The following BMPR2 variants were observed in gnomAD, a reference collection of about 807,000 sequenced individuals.
BMPR2 encodes bone morphogenetic protein receptor type-2.
BMPR2 carries 29 observed loss-of-function variants against 100.8 expected under a neutral mutation model. The observed-to-expected ratio is 0.29, with a 90% CI of 0.21 to 0.39. BMPR2 has a LOEUF of 0.39. BMPR2 is among the 10% of genes least tolerant of loss of function. The pLI is 1.00. For synonymous variants in BMPR2, 382 were observed against 442.3 expected, an observed-to-expected ratio of 0.86 and a Z score of 1.71; for missense variants, 1,011 against 1,274.5, an observed-to-expected ratio of 0.79 and a Z score of 3.15.
At chr2:202,443,667 G>A (rs1351262052) in intron 1 of BMPR2, among the ~76,000 whole-genome samples, 2 of 150,188 alleles carry the variant, frequency 1.3e-5, no homozygotes, top group South Asian at 2.1e-4. Context: ...TGGTTCAAGC[G>A]ATTCTCCTGC....
chr2:202,474,252 G>A (rs1160202414), intron 3 of BMPR2, among the ~76,000 whole-genome samples: 2 of 151,738 alleles, frequency 1.3e-5, no homozygotes, highest in Non-Finnish European at 2.9e-5. Flanking sequence ...TCAGGAGTTC[G>A]AGACCAGCCT....
intron 1 of BMPR2, among the ~76,000 whole-genome samples, chr2:202,429,519 C>T (rs1288734788): frequency 6.6e-6 from 1 of 152,148 alleles, no homozygotes; most frequent in Admixed American, 6.6e-5. Flanking sequence ...GACAGTTTAG[C>T]TCAAGTTATA....
chr2:202,539,490 C>T (rs1254018597), intron 9 of BMPR2, among the ~76,000 whole-genome samples: 1 of 151,800 alleles, frequency 6.6e-6, no homozygotes, highest in East Asian at 1.9e-4. Context: ...ATTAATAAAC[C>T]TAGAGAATAG....
intron 1 of BMPR2, among the ~76,000 whole-genome samples, chr2:202,436,405 T>C (rs1691615651): frequency 6.7e-6 from 1 of 149,542 alleles, no homozygotes; most frequent in Admixed American, 6.6e-5. Context: ...CTGATTGTGC[T>C]ACCGCACTCC....
chr2:202,541,850 G>A lies in BMPR2; in HGVS notation c.1277-461G>A, dbSNP rs528723780. Among the ~76,000 whole-genome samples, 12 of 152,218 alleles carry A rather than the reference G, an allele frequency of 7.9e-5. No homozygotes were observed. The East Asian group carries it at 1.9e-3, about 24-fold the overall frequency. ...CATTAGACTGGGCATGGTGGCTCACGCCTGTAATCCCAGCACTTTAGGAGG... is the reference window on the plus strand; with the variant it reads ...CATTAGACTGGGCATGGTGGCTCACACCTGTAATCCCAGCACTTTAGGAGG... On this transcript the variant is annotated intron_variant, in intron 9 of 12. Coordinates refer to ENST00000374580, the MANE Select transcript of BMPR2 (RefSeq NM_001204.7).
intron 1 of BMPR2, among the ~76,000 whole-genome samples, chr2:202,440,742 T>G (rs1307183817): frequency 1.3e-5 from 2 of 150,142 alleles, no homozygotes; most frequent in Non-Finnish European, 2.9e-5. Flanking sequence ...GCCGAGATGG[T>G]GGCAGTACAG....
chr2:202,519,952 A>T, intron 6 of BMPR2, 135 bp from the exon 7 acceptor site: 1 of 657,242 alleles, frequency 1.5e-6, no homozygotes, highest in Non-Finnish European at 2.7e-6. Flanking sequence ...CAAGATTCTG[A>T]AATGTAGTAG....
intron 1 of BMPR2, among the ~76,000 whole-genome samples, chr2:202,393,046 G>A (rs1690583096): frequency 6.6e-6 from 1 of 150,952 alleles, no homozygotes; most frequent in African/African-American, 2.4e-5. Context: ...TAAATGACTA[G>A]TATCAATGAC....
intron 12 of BMPR2, among the ~76,000 whole-genome samples, chr2:202,558,413 A>G (rs1261024354): frequency 6.6e-6 from 1 of 151,980 alleles, no homozygotes; most frequent in East Asian, 1.9e-4. Context: ...CGCCCAGCCT[A>G]TTTCTCTTTT....
intron 3 of BMPR2, among the ~76,000 whole-genome samples, chr2:202,497,868 C>T (rs1266259669): frequency 6.6e-6 from 1 of 152,152 alleles, no homozygotes; most frequent in Non-Finnish European, 1.5e-5. Flanking sequence ...CTTTAGGCAC[C>T]TGGGCTCACC....
At position 202,560,004 on chromosome 2, in the gene BMPR2, A is replaced by G. The variant is rs561981603; in HGVS notation, c.*58A>G. On this transcript the variant is annotated 3_prime_UTR_variant, in exon 13 of 13. Coordinates refer to ENST00000374580, the MANE Select transcript of BMPR2 (RefSeq NM_001204.7). Reference sequence around the variant, plus strand: ...TTTGCATCATTTAAACATGCAGAAGATGTTTAAAAATAAAAAAAAAACTGC... The same window carrying G: ...TTTGCATCATTTAAACATGCAGAAGGTGTTTAAAAATAAAAAAAAAACTGC... 1 of 1,604,342 alleles carries G rather than the reference A, an allele frequency of 6.2e-7. No individual in the cohort carries two copies. Among genetic ancestry groups the G allele is most frequent in the Admixed American group, 1.7e-5 (1 of 59,252 alleles).
intron 3 of BMPR2, among the ~76,000 whole-genome samples, chr2:202,478,555 T>C (rs993367831): frequency 6.6e-6 from 1 of 151,784 alleles, no homozygotes; most frequent in Non-Finnish European, 1.5e-5. Flanking sequence ...CCCAGGAGTT[T>C]AAGGCTACAC....
At chr2:202,467,785 G>A (rs1023491930) in intron 3 of BMPR2, 96 bp downstream of exon 3, 14 of 1,288,386 alleles carry the variant, frequency 1.1e-5, no homozygotes, top group East Asian at 2.4e-5. Context: ...GAAGCCAGGC[G>A]TGATGGCTCA....
rs762096820 is a variant in BMPR2 at position 202,485,545 on chromosome 2, C to CTTTTTTTTTT, written c.418+17866_418+17875dup. Among the ~76,000 whole-genome samples the CTTTTTTTTTT allele has an allele frequency of 5.9e-3, 377 of 63,990 alleles. 82 individuals are homozygous for CTTTTTTTTTT. Among genetic ancestry groups the CTTTTTTTTTT allele is most frequent in the Middle Eastern group, 0.037 (2 of 54 alleles). 42.0% of individuals were successfully genotyped at this position (63,990 alleles called of 152,430 possible). ...GTCTCAAATCTCCCTTTGCCTTTAT[C>CTTTTTTTTTT]TTTTTTTTTTTTTTTTTTTGAGACA... On this transcript the variant is annotated intron_variant, in intron 3 of 12. Coordinates refer to ENST00000374580, the MANE Select transcript of BMPR2 (RefSeq NM_001204.7).
chr2:202,560,727 A>G lies in BMPR2; in HGVS notation c.*781A>G, dbSNP rs1688665087. 4 of 152,558 alleles carry G rather than the reference A, an allele frequency of 2.6e-5. No individual in the cohort carries two copies. The South Asian group carries it at 8.3e-4, about 32-fold the overall frequency. 9.5% of individuals were successfully genotyped at this position (152,558 alleles called of 1,614,324 possible). On this transcript the variant is annotated 3_prime_UTR_variant, in exon 13 of 13. Transcript: ENST00000374580. Reference sequence around the variant, plus strand: ...AATGCCATTTCTTTTAACCTTCCAAATCCTAAATGTTTCCTTCAAGGCATC... The same window carrying G: ...AATGCCATTTCTTTTAACCTTCCAAGTCCTAAATGTTTCCTTCAAGGCATC...
intron 3 of BMPR2, among the ~76,000 whole-genome samples, chr2:202,492,337 GCT>G (rs1692919340): frequency 6.6e-6 from 1 of 151,760 alleles, no homozygotes; most frequent in Admixed American, 6.6e-5. Flanking sequence ...CGTGTATAAT[GCT>G]TATACATTAT....
rs1034574543 is a variant in BMPR2, at chr2:202,495,032, G to A, written c.419-18687G>A. Among the ~76,000 whole-genome samples the A allele has an allele frequency of 8.5e-5, 13 of 152,300 alleles. No individual in the cohort carries two copies. In the Middle Eastern group the frequency reaches 0.014, roughly 159 times the overall value. ...ACAGACAGGTAGGCTGTGGGGCTCC[G>A]ACCTCACAACAGTGTCTAGGAGTGA... is the stretch of plus-strand genomic sequence containing the variant. On this transcript the variant is annotated intron_variant, in intron 3 of 12. Transcript: ENST00000374580. This position sits in a 1 kb window ranked among gnomAD's most constrained non-coding sequence, Gnocchi z 4.5.
chr2:202,413,581 C>T (rs1285308049), intron 1 of BMPR2, among the ~76,000 whole-genome samples: 1 of 152,020 alleles, frequency 6.6e-6, no homozygotes, highest in African/African-American at 2.4e-5. Flanking sequence ...ATAGAACATA[C>T]AAGAATCATT....
At chr2:202,549,027 TCTC>T (rs1206936657) in intron 10 of BMPR2, among the ~76,000 whole-genome samples, 1 of 152,140 alleles carries the variant, frequency 6.6e-6, no homozygotes, top group African/African-American at 2.4e-5. Flanking sequence ...TTTTGTAATC[TCTC>T]CTCAACTTTC....
Sources: gnomAD v4.1 joint callset for allele counts (sites outside exome capture counted in the v4.1 genomes callset) on GRCh38, gnomAD v4.1.1 for gene constraint, Gnocchi (gnomAD v3.1) non-coding constraint, MANE v1.5 for transcripts, NCBI Gene and HGNC (gene_info 2026-07-23, HGNC 2026-07-21) for gene names.